The following SLC10A7 variants were observed in gnomAD, a reference collection of about 807,000 sequenced individuals.
SLC10A7 encodes solute carrier family 10 member 7.
Under a neutral mutation model 43.2 loss-of-function variants are expected in SLC10A7, and 29 were observed. The observed-to-expected ratio is 0.67, with a 90% CI of 0.50 to 0.92. The LOEUF is 0.92. Ranked by LOEUF, SLC10A7 falls within the 40% of genes least tolerant of loss-of-function variation. SLC10A7 has a pLI of 0.00. For missense variants in SLC10A7, 295 were observed against 403.2 expected (o/e 0.73, Z 2.30); for synonymous variants, 152 against 144.8 (o/e 1.05, Z -0.35).
intron 7 of SLC10A7, among the ~76,000 whole-genome samples, chr4:146,300,566 T>G (rs1731092516): frequency 6.6e-6 from 1 of 152,186 alleles, no homozygotes; most frequent in South Asian, 2.1e-4. Flanking sequence ...TCCAAGGTAC[T>G]GGAGGACCTG....
intron 6 of SLC10A7, 85 bp downstream of exon 6, chr4:146,325,876 T>A: frequency 8.0e-7 from 1 of 1,248,974 alleles, no homozygotes; most frequent in Non-Finnish European, 1.1e-6. Context: ...ATAATTCAAA[T>A]TTCATTTTTG....
At chr4:146,395,612 C>T (rs531518069) in intron 5 of SLC10A7, among the ~76,000 whole-genome samples, 1 of 152,300 alleles carries the variant, frequency 6.6e-6, no homozygotes, top group South Asian at 2.1e-4. Flanking sequence ...TGTGAGTGAA[C>T]TGGAGTCAGG....
intron 4 of SLC10A7, among the ~76,000 whole-genome samples, chr4:146,497,959 T>C (rs1736045239): frequency 6.6e-6 from 1 of 152,134 alleles, no homozygotes; most frequent in Non-Finnish European, 1.5e-5. Flanking sequence ...CTGAATCTTG[T>C]ATTTAGAACA....
chr4:146,453,640 C>A (rs1254548054), intron 4 of SLC10A7, among the ~76,000 whole-genome samples: 1 of 151,804 alleles, frequency 6.6e-6, no homozygotes, highest in African/African-American at 2.4e-5. Flanking sequence ...TGTGCTGAGG[C>A]TTTTTTTAAA....
At chr4:146,481,395 TG>T (rs981267062) in intron 4 of SLC10A7, among the ~76,000 whole-genome samples, 4 of 149,448 alleles carry the variant, frequency 2.7e-5, no homozygotes, top group African/African-American at 9.8e-5. Flanking sequence ...TTACCATGCC[TG>T]GGTCCTTGCT....
chr4:146,460,309 T>A (rs903118748), intron 4 of SLC10A7, among the ~76,000 whole-genome samples: 2 of 151,988 alleles, frequency 1.3e-5, no homozygotes, highest in Non-Finnish European at 2.9e-5. Flanking sequence ...ATATTTACCA[T>A]ATGACCAAAC....
At chr4:146,307,136 T>A (rs920810461) in intron 6 of SLC10A7, among the ~76,000 whole-genome samples, 3 of 152,100 alleles carry the variant, frequency 2.0e-5, no homozygotes, top group African/African-American at 7.2e-5. Context: ...TACAAAAATC[T>A]CCTCTCCACT....
chr4:146,408,796 T>C (rs967856318), intron 5 of SLC10A7: 2 of 152,166 alleles, frequency 1.3e-5, no homozygotes, highest in African/African-American at 4.8e-5. Flanking sequence ...TCTCAGATTA[T>C]CTAATGCTTT....
At chr4:146,358,567 C>A (rs1489044903) in intron 5 of SLC10A7, among the ~76,000 whole-genome samples, 4 of 152,112 alleles carry the variant, frequency 2.6e-5, no homozygotes, top group African/African-American at 9.7e-5. Flanking sequence ...ACTTTTGTCA[C>A]CACAGGTTAA....
In SLC10A7 at chr4:146,256,687, C is replaced by T. The variant is rs544756385; in HGVS notation, c.994-167G>A. 6 of 985,214 alleles carry T rather than the reference C, an allele frequency of 6.1e-6. No individual in the cohort carries two copies. The Admixed American group carries it at 9.3e-5, about 15-fold the overall frequency. 61.0% of individuals were successfully genotyped at this position (985,214 alleles called of 1,614,324 possible). ...CTGGATACAAACAGATTTCCCTGCCCACCTCTCTGGCCAGCAGACTTTGTC... is the reference window on the plus strand; with the variant it reads ...CTGGATACAAACAGATTTCCCTGCCTACCTCTCTGGCCAGCAGACTTTGTC... On this transcript the variant is annotated intron_variant, in intron 11 of 11. Coordinates refer to ENST00000335472, the MANE Select transcript of SLC10A7 (RefSeq NM_001029998.6).
intron 7 of SLC10A7, among the ~76,000 whole-genome samples, chr4:146,297,017 A>G (rs527255405): frequency 1.2e-3 from 189 of 152,300 alleles, no homozygotes; most frequent in African/African-American, 4.4e-3. Flanking sequence ...AGCTAGATCA[A>G]CACAACCTGA....
At chr4:146,292,197 T>C (rs1349814274) in intron 9 of SLC10A7, among the ~76,000 whole-genome samples, 1 of 152,210 alleles carries the variant, frequency 6.6e-6, no homozygotes, top group Non-Finnish European at 1.5e-5. Context: ...AACTTCATTC[T>C]ATAGGCACTG....
chr4:146,444,426 AT>A (rs1243300291), intron 4 of SLC10A7, among the ~76,000 whole-genome samples: 3 of 152,190 alleles, frequency 2.0e-5, no homozygotes, highest in South Asian at 2.1e-4. Context: ...ACATAGAATC[AT>A]TCGAGGAAAA....
At chr4:146,457,755 C>T (rs1439560616) in intron 4 of SLC10A7, among the ~76,000 whole-genome samples, 1 of 151,890 alleles carries the variant, frequency 6.6e-6, no homozygotes, top group Non-Finnish European at 1.5e-5. Context: ...GAACAAATTC[C>T]TTGAAAGACA....
intron 5 of SLC10A7, among the ~76,000 whole-genome samples, chr4:146,356,581 A>T (rs1735660378): frequency 6.6e-6 from 1 of 151,768 alleles, no homozygotes; most frequent in Non-Finnish European, 1.5e-5. Flanking sequence ...ACAGACACAC[A>T]CACACACACA....
At chr4:146,359,514 A>T (rs1428399854) in intron 5 of SLC10A7, among the ~76,000 whole-genome samples, 1 of 152,104 alleles carries the variant, frequency 6.6e-6, no homozygotes, top group Admixed American at 6.6e-5. Flanking sequence ...CTATGGGTTT[A>T]TTCTAATATT....
chr4:146,463,827 C>CT (rs576818067), intron 4 of SLC10A7, among the ~76,000 whole-genome samples: 2,016 of 136,262 alleles, frequency 0.015, 47 homozygotes, highest in African/African-American at 0.048. Flanking sequence ...TTTTTTTTTT[C>CT]TTTTTTTTTT....
intron 4 of SLC10A7, among the ~76,000 whole-genome samples, chr4:146,447,314 G>T (rs1043511016): frequency 6.6e-6 from 1 of 151,986 alleles, no homozygotes; most frequent in Non-Finnish European, 1.5e-5. Flanking sequence ...TCCCTATGTT[G>T]CCCAGGCTGG....
At chr4:146,382,873 A>G (rs922044291) in intron 5 of SLC10A7, among the ~76,000 whole-genome samples, 1 of 151,872 alleles carries the variant, frequency 6.6e-6, no homozygotes, top group African/African-American at 2.4e-5. Flanking sequence ...ACTCTTTTCC[A>G]TGATGGGCCC....
Sources: allele counts gnomAD v4.1 joint callset (sites outside exome capture counted in the v4.1 genomes callset), GRCh38; gene constraint gnomAD v4.1.1; transcripts MANE v1.5; gene names NCBI Gene and HGNC (gene_info 2026-07-23, HGNC 2026-07-21).